Variants in SDK1 observed in about 807,000 individuals in gnomAD.
SDK1 encodes the protein protein sidekick-1.
SDK1 carries 157 observed loss-of-function variants against 245.5 expected under a neutral mutation model. The observed-to-expected ratio is 0.64, with a 90% CI of 0.56 to 0.73. SDK1 has a LOEUF of 0.73. Ranked by LOEUF, SDK1 falls within the 30% of genes least tolerant of loss-of-function variation. SDK1 has a pLI of 0.00. For missense variants in SDK1, 3,583 were observed against 3,002.3 expected (o/e 1.19, Z -4.52); for synonymous variants, 1,647 against 1,278.5 (o/e 1.29, Z -6.15).
Position 3,760,606 on chromosome 7 carries a change from A to G in SDK1, c.714-60844A>G, listed in dbSNP as rs146549567. ...TCCTCAGAATAATAGTTTTGGAATA[A>G]TTTTGATCTTTCAGGATTGTGATTT... On this transcript the variant is annotated intron_variant, in intron 4 of 44. Transcript: ENST00000404826. Among the ~76,000 whole-genome samples the G allele has an allele frequency of 3.9e-5, 6 of 152,312 alleles. No individual in the cohort carries two copies. In the East Asian group the frequency reaches 1.2e-3, roughly 29 times the overall value.
chr7:3,678,808 A>C (rs1259107689), intron 4 of SDK1, among the ~76,000 whole-genome samples: 1 of 152,230 alleles, frequency 6.6e-6, no homozygotes, highest in Non-Finnish European at 1.5e-5. Flanking sequence ...ACAGTTTTTT[A>C]AAAAGCAATT....
chr7:4,230,105 G>A (rs1187335195), intron 40 of SDK1, among the ~76,000 whole-genome samples: 1 of 138,038 alleles, frequency 7.2e-6, no homozygotes, highest in African/African-American at 2.7e-5. Flanking sequence ...AGATGGATGG[G>A]AGGTGGATGA....
intron 5 of SDK1, among the ~76,000 whole-genome samples, chr7:3,931,489 C>T (rs775296582): frequency 5.9e-5 from 9 of 152,312 alleles, no homozygotes; most frequent in South Asian, 2.1e-4. Context: ...AAGTATTCAA[C>T]GTCCCAAAAC....
intron 1 of SDK1, among the ~76,000 whole-genome samples, chr7:3,442,111 C>G (rs1379180830): frequency 6.6e-6 from 1 of 152,106 alleles, no homozygotes; most frequent in Admixed American, 6.5e-5. Context: ...AGATTTAAGC[C>G]AGAGGTTCAG....
chr7:3,317,907 T>C (rs1779702759), intron 1 of SDK1, among the ~76,000 whole-genome samples: 1 of 152,232 alleles, frequency 6.6e-6, no homozygotes, highest in African/African-American at 2.4e-5. Flanking sequence ...GCAGTGCTTA[T>C]TTCTTATGAC....
intron 4 of SDK1, among the ~76,000 whole-genome samples, chr7:3,784,175 TGTCA>T: frequency 6.6e-6 from 1 of 151,662 alleles, no homozygotes; most frequent in African/African-American, 2.4e-5. Flanking sequence ...TCCCTGAGCC[TGTCA>T]AAGTGTTGGT....
At chr7:3,646,977 A>G (rs2128654407) in intron 4 of SDK1, among the ~76,000 whole-genome samples, 1 of 152,332 alleles carries the variant, frequency 6.6e-6, no homozygotes, top group South Asian at 2.1e-4. Context: ...AGTTATGTTT[A>G]ATGGGTACAG....
In SDK1 at chr7:3,619,478, A is replaced by G. The variant is rs544557327; in HGVS notation, c.458+239A>G. On this transcript the variant is annotated intron_variant, in intron 2 of 44. Transcript: ENST00000404826. Reference sequence around the variant, plus strand: ...TAAAAGTAAGCCCATTAGTGAAATTATCAGTCAACAAAAACCTATGGTTAC... The same window carrying G: ...TAAAAGTAAGCCCATTAGTGAAATTGTCAGTCAACAAAAACCTATGGTTAC... Among the ~76,000 whole-genome samples the G allele has an allele frequency of 5.3e-5, 8 of 152,370 alleles. 1 individual carries two copies. Among genetic ancestry groups the G allele is most frequent in the Admixed American group, 5.2e-4 (8 of 15,310 alleles).
intron 1 of SDK1, among the ~76,000 whole-genome samples, chr7:3,553,751 G>A (rs1779491272): frequency 1.3e-5 from 2 of 152,114 alleles, no homozygotes; most frequent in African/African-American, 4.8e-5. Context: ...TTGTCCTCAT[G>A]CACCTAAGAC....
In SDK1 at chr7:3,572,516, C is replaced by T. The variant is rs550120621; in HGVS notation, c.299-46564C>T. Among the ~76,000 whole-genome samples the T allele has an allele frequency of 1.1e-4, 16 of 152,046 alleles. No homozygotes were observed. In the South Asian group the frequency reaches 1.9e-3, roughly 18 times the overall value. Reference sequence around the variant, plus strand: ...CCACAGAGGAGATAGCTGGCGTGTGCGAGAAAGAGCAAAGATTAAGTGAGC... The same window carrying T: ...CCACAGAGGAGATAGCTGGCGTGTGTGAGAAAGAGCAAAGATTAAGTGAGC... On this transcript the variant is annotated intron_variant, in intron 1 of 44. Coordinates refer to ENST00000404826, the MANE Select transcript of SDK1 (RefSeq NM_152744.4).
intron 1 of SDK1, among the ~76,000 whole-genome samples, chr7:3,583,909 T>G (rs1028534976): frequency 1.3e-5 from 2 of 152,090 alleles, no homozygotes; most frequent in Non-Finnish European, 2.9e-5. Context: ...CAGAGAGGCC[T>G]TGTTTGCTTG....
At chr7:3,640,684 T>A (rs1782619777) in intron 3 of SDK1, among the ~76,000 whole-genome samples, 1 of 148,690 alleles carries the variant, frequency 6.7e-6, no homozygotes, top group African/African-American at 2.5e-5. Flanking sequence ...AGCTCTTCAA[T>A]TTTTTTTTTT....
At chr7:3,595,178 A>G (rs1400552511) in intron 1 of SDK1, among the ~76,000 whole-genome samples, 2 of 149,826 alleles carry the variant, frequency 1.3e-5, no homozygotes, top group Non-Finnish European at 2.9e-5. Flanking sequence ...TTTTTCAGCT[A>G]GCTAATTAAC....
At chr7:3,556,763 C>T (rs1160939511) in intron 1 of SDK1, among the ~76,000 whole-genome samples, 1 of 152,116 alleles carries the variant, frequency 6.6e-6, no homozygotes, top group Non-Finnish European at 1.5e-5. Context: ...CACTGCACTC[C>T]AGCCTGGGCA....
At chr7:4,156,419 AGC>A (rs1780739204) in intron 30 of SDK1, among the ~76,000 whole-genome samples, 2 of 152,200 alleles carry the variant, frequency 1.3e-5, no homozygotes, top group African/African-American at 4.8e-5. Flanking sequence ...TCTCCATTAA[AGC>A]TGGGACCAAG....
chr7:3,790,309 G>A (rs1781040738), intron 4 of SDK1, among the ~76,000 whole-genome samples: 1 of 152,136 alleles, frequency 6.6e-6, no homozygotes, highest in African/African-American at 2.4e-5. Flanking sequence ...TCAACAGAGG[G>A]ATTTAACACA....
chr7:3,334,154 C>T (rs1282330371), intron 1 of SDK1, among the ~76,000 whole-genome samples: 1 of 152,184 alleles, frequency 6.6e-6, no homozygotes, highest in Non-Finnish European at 1.5e-5. Flanking sequence ...TTTCAGCTTT[C>T]CAGACTCTGC....
intron 1 of SDK1, among the ~76,000 whole-genome samples, chr7:3,416,898 C>T (rs969871866): frequency 3.3e-5 from 5 of 152,138 alleles, no homozygotes; most frequent in African/African-American, 1.2e-4. Flanking sequence ...TGCAGCCGGG[C>T]ACGGTGGCTC....
chr7:4,220,344 A>G, intron 39 of SDK1, 74 bp downstream of exon 39: 7 of 1,483,116 alleles, frequency 4.7e-6, no homozygotes, highest in Non-Finnish European at 6.5e-6. Flanking sequence ...CTGAGCTGAG[A>G]TCCATCTACA....
Sources: gnomAD v4.1 joint callset for allele counts (sites outside exome capture counted in the v4.1 genomes callset) on GRCh38, gnomAD v4.1.1 for gene constraint, MANE v1.5 for transcripts, NCBI Gene and HGNC (gene_info 2026-07-23, HGNC 2026-07-21) for gene names.